CASP4: variants seen among roughly 807,000 people sequenced by gnomAD.
CASP4 encodes the protein caspase-4.
CASP4 carries 29 observed loss-of-function variants against 41.3 expected under a neutral mutation model. The ratio of observed to expected loss-of-function variants is 0.70; its 90% CI spans 0.52 to 0.96. The LOEUF (loss-of-function observed/expected upper bound fraction) is 0.96. Ranked by LOEUF, CASP4 falls within the 40% of genes least tolerant of loss-of-function variation. The pLI is 0.00. For synonymous variants in CASP4, 185 were observed against 158.4 expected (o/e 1.17, Z -1.26); for missense variants, 447 against 460.6 (o/e 0.97, Z 0.27).
intron 1 of CASP4, among the ~76,000 whole-genome samples, chr11:104,965,232 G>T (rs1362683795): frequency 6.6e-6 from 1 of 152,184 alleles, no homozygotes; most frequent in Non-Finnish European, 1.5e-5. Flanking sequence ...ACAGGAGGCT[G>T]TTGGCTTAAA....
At chr11:104,961,579 G>C (rs1431686256) in intron 1 of CASP4, among the ~76,000 whole-genome samples, 2 of 152,160 alleles carry the variant, frequency 1.3e-5, no homozygotes, top group Admixed American at 6.5e-5. Flanking sequence ...GCTCCACTGG[G>C]GTCTTGGTTG....
chr11:104,956,735 G>T, intron 1 of CASP4: 29 of 588,750 alleles, frequency 4.9e-5, no homozygotes, highest in South Asian at 7.6e-5. Context: ...TGCAACATCA[G>T]GTACAGATGT....
chr11:104,960,525 A>T (rs1001555011), intron 1 of CASP4, among the ~76,000 whole-genome samples: 38 of 152,244 alleles, frequency 2.5e-4, no homozygotes, highest in African/African-American at 9.1e-4. Flanking sequence ...GCTGAAGTGC[A>T]GTGGTGCTAT....
intron 1 of CASP4, among the ~76,000 whole-genome samples, chr11:104,960,515 G>C (rs1860835014): frequency 6.6e-6 from 1 of 152,062 alleles, no homozygotes; most frequent in South Asian, 2.1e-4. Flanking sequence ...TGTCACCCAG[G>C]CTGAAGTGCA....
intron 2 of CASP4, among the ~76,000 whole-genome samples, chr11:104,952,698 A>G (rs1286295269): frequency 2.6e-5 from 4 of 152,152 alleles, no homozygotes; most frequent in African/African-American, 7.2e-5. Context: ...TTATTTTTTT[A>G]GCAACTTTAC....
At chr11:104,945,119 C>T (rs1250449192) in intron 7 of CASP4, among the ~76,000 whole-genome samples, 1 of 152,126 alleles carries the variant, frequency 6.6e-6, no homozygotes, top group Non-Finnish European at 1.5e-5. Flanking sequence ...CATTTCTGAC[C>T]TACAGATCTG....
At chr11:104,943,454 G>A (rs1264616629) in intron 8 of CASP4, 1 of 155,324 alleles carries the variant, frequency 6.4e-6, no homozygotes, top group Admixed American at 6.4e-5. Context: ...TCCATTCTTT[G>A]TTCTGATTTC....
chr11:104,945,059 A>G (rs937081611), intron 7 of CASP4, among the ~76,000 whole-genome samples: 1 of 152,112 alleles, frequency 6.6e-6, no homozygotes, highest in Admixed American at 6.5e-5. Flanking sequence ...ATCAAAATAA[A>G]CACCTCATGT....
At chr11:104,957,728 A>G (rs907630195) in intron 1 of CASP4, among the ~76,000 whole-genome samples, 1 of 152,168 alleles carries the variant, frequency 6.6e-6, no homozygotes, top group African/African-American at 2.4e-5. Context: ...TAAAGATACA[A>G]TGCAATTCCT....
intron 7 of CASP4, among the ~76,000 whole-genome samples, chr11:104,946,200 G>A (rs976446454): frequency 6.6e-6 from 1 of 152,064 alleles, no homozygotes; most frequent in Non-Finnish European, 1.5e-5. Context: ...TCCCGCAGGA[G>A]TTTTACTGTT....
intron 1 of CASP4, among the ~76,000 whole-genome samples, chr11:104,955,803 A>T (rs1860724806): frequency 6.6e-6 from 1 of 152,114 alleles, no homozygotes; most frequent in Non-Finnish European, 1.5e-5. Flanking sequence ...ATTTCGGCAG[A>T]TTGTACACAG....
chr11:104,945,036 C>T (rs975421563), intron 7 of CASP4, among the ~76,000 whole-genome samples, 185 bp from the exon 8 acceptor site: 1 of 152,162 alleles, frequency 6.6e-6, no homozygotes, highest in Non-Finnish European at 1.5e-5. Context: ...CCATGTCAGA[C>T]TGTATGCTTT....
At position 104,951,240 on chromosome 11, in the gene CASP4, C is replaced by T. The variant is rs1860605637; in HGVS notation, c.373-142G>A. The T allele has an allele frequency of 4.7e-6, 3 of 636,964 alleles. No homozygotes were observed. The East Asian group carries it at 8.4e-5, about 18-fold the overall frequency. 39.5% of individuals were successfully genotyped at this position (636,964 alleles called of 1,614,324 possible). On this transcript the variant is annotated intron_variant, in intron 3 of 8. Transcript: ENST00000444739. ...ATCAAAAGACACTGACTTTCTCTCT[C>T]TCAAGAACCCAGGGAAAGAACCGGA...
chr11:104,950,812 A>ACACACACACACACACACC, intron 4 of CASP4, 113 bp downstream of exon 4: 1 of 886,448 alleles, frequency 1.1e-6, no homozygotes, highest in East Asian at 2.5e-5. Flanking sequence ...ACACACACAC[A>ACACACACACACACACACC]CACACACACA....
intron 1 of CASP4, among the ~76,000 whole-genome samples, chr11:104,961,099 G>GC (rs1390739231): frequency 6.6e-6 from 1 of 152,236 alleles, no homozygotes; most frequent in Non-Finnish European, 1.5e-5. Flanking sequence ...GTGGTTTGGT[G>GC]CCCCCGCTCC....
chr11:104,949,618 G>A lies in CASP4; in HGVS notation c.706C>T (p.Gln236Ter). ...PDVLLYDTIFQIFNNRNCLSL... is the reference protein window; with the variant it reads ...PDVLLYDTIF ...AGGCAGTTGCGGTTGTTGAATATCT[G>A]GAAGATGGTGTCATAAAGCAGCACA... Residue 236 changes from glutamine (Q) to a stop codon, truncating the protein, a stop_gained, in exon 5 of 9, where the codon CAG becomes TAG. Transcript: ENST00000444739. LOFTEE classifies it high-confidence loss of function. The A allele has an allele frequency of 6.2e-7, 1 of 1,613,930 alleles. No individual in the cohort carries two copies. Among genetic ancestry groups the A allele is most frequent in the East Asian group, 2.2e-5 (1 of 44,886 alleles).
intron 1 of CASP4, among the ~76,000 whole-genome samples, chr11:104,964,618 G>A (rs571081853): frequency 3.9e-5 from 6 of 152,214 alleles, no homozygotes; most frequent in South Asian, 2.1e-4. Flanking sequence ...TTAAAGAATC[G>A]AAGTTGACTT....
chr11:104,968,485 C>T lies in CASP4; in HGVS notation c.7+34G>A, dbSNP rs765571945. On this transcript the variant is annotated intron_variant, in intron 1 of 8. Coordinates refer to ENST00000444739, the MANE Select transcript of CASP4 (RefSeq NM_001225.4). ...AATAAATCAAGTGTTTTCTAAGTTC[C>T]TACTCCCAAACTCCTAGTCAGAAAA... 3 of 1,597,174 alleles carry T rather than the reference C, an allele frequency of 1.9e-6. No homozygotes were observed. The Admixed American group carries it at 5.0e-5, about 27-fold the overall frequency.
intron 1 of CASP4, among the ~76,000 whole-genome samples, chr11:104,959,312 A>G (rs765766473): frequency 2.0e-5 from 3 of 152,196 alleles, no homozygotes; most frequent in Non-Finnish European, 4.4e-5. Context: ...AGAACATTAT[A>G]TTAAGTAAAA....
Sources: gnomAD v4.1 joint callset for allele counts (sites outside exome capture counted in the v4.1 genomes callset) on GRCh38, gnomAD v4.1.1 for gene constraint, MANE v1.5 for transcripts, NCBI Gene and HGNC (gene_info 2026-07-23, HGNC 2026-07-21) for gene names.